The following ZDHHC11 variants were observed in gnomAD, a reference collection of about 807,000 sequenced individuals.
ZDHHC11 encodes palmitoyltransferase ZDHHC11.
In ZDHHC11, 44 loss-of-function variants were observed where a neutral mutation model predicts 51.3. The observed-to-expected ratio is 0.86, with a 90% CI of 0.67 to 1.10. The LOEUF (loss-of-function observed/expected upper bound fraction) is 1.10, where lower values mean the gene tolerates loss of function less well. Ranked by LOEUF, ZDHHC11 falls within the 50% of genes least tolerant of loss-of-function variation. The pLI is 0.00. For synonymous variants in ZDHHC11, 163 were observed against 222.0 expected (o/e 0.73, Z 2.36); for missense variants, 400 against 537.7 (o/e 0.74, Z 2.53).
At chr5:842,966 C>T (rs1365123400) in intron 4 of ZDHHC11, among the ~76,000 whole-genome samples, 1 of 152,270 alleles carries the variant, frequency 6.6e-6, no homozygotes, top group Non-Finnish European at 1.5e-5. Context: ...CTGGGACATC[C>T]CAGCACGACC....
Position 850,466 on chromosome 5 carries a change from C to T in ZDHHC11, c.137G>A (p.Trp46Ter). 1.2e-6 allele frequency: 2 copies of T among 1,613,664 alleles called. No individual in the cohort carries two copies. Among genetic ancestry groups the T allele is most frequent in the East Asian group, 4.5e-5 (2 of 44,886 alleles). The change falls in exon 1 of 13, where the codon TGG becomes TAG. Residue 46 changes from tryptophan (W) to a stop codon, truncating the protein, a stop_gained. Coordinates refer to ENST00000283441, the MANE Select transcript of ZDHHC11 (RefSeq NM_024786.3). LOFTEE classifies it high-confidence loss of function. ...CGAGGAAAGGCCCACGAAGACAGCCCAGGTCACCACCTGGAAGTAGTGCAG... is the reference window on the plus strand; with the variant it reads ...CGAGGAAAGGCCCACGAAGACAGCCTAGGTCACCACCTGGAAGTAGTGCAG... Reference protein sequence around the residue: ...LPLHYFQVVTWAVFVGLSSAT... With the variant: ...LPLHYFQVVT
chr5:834,382 T>C (rs576558338), intron 6 of ZDHHC11, among the ~76,000 whole-genome samples: 1 of 152,410 alleles, frequency 6.6e-6, no homozygotes, highest in South Asian at 2.1e-4. Context: ...GTAGAGATGC[T>C]CAGGCTGGTC....
At position 850,642 on chromosome 5, in the gene ZDHHC11, C is replaced by A; in HGVS notation, c.-40G>T. The A allele has an allele frequency of 1.3e-6, 2 of 1,598,462 alleles. No homozygotes were observed. The highest frequency in any genetic ancestry group is 1.7e-6 in the Non-Finnish European group (2 of 1,175,688). On this transcript the variant is annotated 5_prime_UTR_variant, in exon 1 of 13. It adds an upstream start codon to the 5' untranslated region. Coordinates refer to ENST00000283441, the MANE Select transcript of ZDHHC11 (RefSeq NM_024786.3). ...AGGGGAGGACCTGCGCCGTCAGATC[C>A]TGGGAGGGCCGGCCCCGCCCACTGT...
At chr5:823,192 G>A (rs1468624028) in intron 8 of ZDHHC11, among the ~76,000 whole-genome samples, 1 of 151,116 alleles carries the variant, frequency 6.6e-6, no homozygotes, top group African/African-American at 2.4e-5. Context: ...AGAAGAGTTT[G>A]CCTAACACAA....
chr5:814,194 C>T (rs1434895707), intron 11 of ZDHHC11, among the ~76,000 whole-genome samples: 1 of 147,604 alleles, frequency 6.8e-6, no homozygotes. Flanking sequence ...GTATCCTGTA[C>T]TTGAGATTCT....
At chr5:838,805 T>C (rs1744314872) in intron 5 of ZDHHC11, among the ~76,000 whole-genome samples, 2 of 151,302 alleles carry the variant, frequency 1.3e-5, no homozygotes, top group Non-Finnish European at 3.0e-5. Flanking sequence ...CTCTGCCGCC[T>C]GAGGCAAGGG....
intron 11 of ZDHHC11, 44 bp from the exon 12 acceptor site, chr5:801,208 T>G (rs1342600317): frequency 6.2e-7 from 1 of 1,604,624 alleles, no homozygotes; most frequent in Admixed American, 1.7e-5. Flanking sequence ...GAACGTATGA[T>G]GTAATACTTG....
intron 6 of ZDHHC11, among the ~76,000 whole-genome samples, chr5:834,549 A>T (rs1334455078): frequency 6.6e-6 from 1 of 152,136 alleles, no homozygotes; most frequent in Non-Finnish European, 1.5e-5. Context: ...TTGCACTTTG[A>T]AAGCTCTTTG....
At chr5:821,785 A>T (rs918453397) in intron 9 of ZDHHC11, 76 bp downstream of exon 9, 7 of 1,385,156 alleles carry the variant, frequency 5.1e-6, no homozygotes, top group Admixed American at 4.3e-5. Flanking sequence ...ATATTTTCCT[A>T]AGTAATTCGA....
intron 8 of ZDHHC11, chr5:823,820 G>A (rs1172541575): frequency 2.9e-6 from 1 of 340,312 alleles, no homozygotes; most frequent in Non-Finnish European, 5.9e-6. Flanking sequence ...CTGTGCAGAA[G>A]GTGTCAACGT....
intron 1 of ZDHHC11, among the ~76,000 whole-genome samples, chr5:856,609 C>T (rs1281918226): frequency 2.0e-5 from 3 of 150,894 alleles, no homozygotes; most frequent in Non-Finnish European, 3.0e-5. Flanking sequence ...TCACGCCACA[C>T]ATATGCAACA....
rs368879489 is a variant in ZDHHC11 at position 840,679 on chromosome 5, C to A, written c.629-29G>T. 2,002 of 1,611,214 alleles carry A rather than the reference C, an allele frequency of 1.2e-3. No individual in the cohort carries two copies. In the Middle Eastern group the frequency reaches 0.022, roughly 18 times the overall value. Reference sequence around the variant, plus strand: ...GGGAGACAAGGGAGAGCCACTGTGTCCAGCACCTGCTGACGGGTGCCACAT... The same window carrying A: ...GGGAGACAAGGGAGAGCCACTGTGTACAGCACCTGCTGACGGGTGCCACAT... On this transcript the variant is annotated intron_variant, in intron 4 of 12. Transcript: ENST00000283441.
At chr5:859,413 C>T (rs147717105), upstream of ZDHHC11, among the ~76,000 whole-genome samples, 429 of 152,238 alleles carry the variant, frequency 2.8e-3, 3 homozygotes, top group African/African-American at 9.8e-3. Context: ...AGGATTGCAA[C>T]GCGTTGTGGT....
At chr5:804,943 A>T (rs1227668744) in intron 11 of ZDHHC11, among the ~76,000 whole-genome samples, 1 of 151,460 alleles carries the variant, frequency 6.6e-6, no homozygotes, top group East Asian at 1.9e-4. Context: ...AAAATAAAGA[A>T]CACAGGTAAA....
intron 11 of ZDHHC11, among the ~76,000 whole-genome samples, chr5:803,176 A>G (rs1436132525): frequency 7.9e-5 from 12 of 151,308 alleles, no homozygotes; most frequent in African/African-American, 1.2e-4. Context: ...GAGCATCAGG[A>G]ACCTTGTCCT....
chr5:858,260 C>CGTCCTGTCTTT (rs1748551775), intron 1 of ZDHHC11, among the ~76,000 whole-genome samples: 1 of 147,196 alleles, frequency 6.8e-6, no homozygotes, highest in Non-Finnish European at 1.5e-5. Flanking sequence ...TCCTGGTCCC[C>CGTCCTGTCTTT]ATCCTGTCTT....
chr5:803,329 C>A (rs1228676675), intron 11 of ZDHHC11, among the ~76,000 whole-genome samples: 1 of 151,390 alleles, frequency 6.6e-6, no homozygotes, highest in Non-Finnish European at 1.5e-5. Context: ...GACAGACATT[C>A]CCCCCTTGTT....
At chr5:827,762 G>A (rs1200639397) in intron 7 of ZDHHC11, among the ~76,000 whole-genome samples, 1 of 145,250 alleles carries the variant, frequency 6.9e-6, no homozygotes, top group Non-Finnish European at 1.5e-5. Flanking sequence ...TTTTTTTATT[G>A]ATCATTCTTG....
chr5:807,389 G>T lies in ZDHHC11; in HGVS notation c.1182-6225C>A, dbSNP rs1419041648. The stretch of plus-strand genomic sequence containing the variant: ...AGAGAATGAAGAGCATGAGCGGGGT[G>T]CAAGGACTTGGAATAGGGGCCCCGT... On this transcript the variant is annotated intron_variant, in intron 11 of 12. Transcript: ENST00000283441. Among the ~76,000 whole-genome samples, 3 of 151,360 alleles carry T rather than the reference G, an allele frequency of 2.0e-5. 1 individual carries two copies. Among genetic ancestry groups the T allele is most frequent in the Non-Finnish European group, 4.4e-5 (3 of 67,698 alleles).
Sources: allele counts gnomAD v4.1 joint callset (sites outside exome capture counted in the v4.1 genomes callset), GRCh38; gene constraint gnomAD v4.1.1; transcripts MANE v1.5; gene names NCBI Gene and HGNC (gene_info 2026-07-23, HGNC 2026-07-21).